Variants in KCNIP4 observed in about 807,000 individuals in gnomAD.
KCNIP4 encodes the protein Kv channel-interacting protein 4.
In KCNIP4, 12 loss-of-function variants were observed where a neutral mutation model predicts 34.0. The observed-to-expected ratio is 0.35, with a 90% CI of 0.23 to 0.57. The LOEUF (loss-of-function observed/expected upper bound fraction) is 0.57. Ranked by LOEUF, KCNIP4 falls within the 20% of genes least tolerant of loss-of-function variation. The pLI, the probability that KCNIP4 is intolerant of heterozygous loss-of-function variation, is 0.83. For synonymous variants in KCNIP4, 124 were observed against 102.2 expected (o/e 1.21, Z -1.29); for missense variants, 238 against 311.7 (o/e 0.76, Z 1.78).
At chr4:21,026,774 A>G (rs2149757329) in intron 1 of KCNIP4, among the ~76,000 whole-genome samples, 1 of 152,350 alleles carries the variant, frequency 6.6e-6, no homozygotes, top group South Asian at 2.1e-4. Context: ...AATGGCTGAG[A>G]GTCAGTTAGG....
chr4:21,745,485 C>A (rs767560981), intron 1 of KCNIP4, among the ~76,000 whole-genome samples: 1 of 152,066 alleles, frequency 6.6e-6, no homozygotes, highest in Non-Finnish European at 1.5e-5. Context: ...TTACATGAGA[C>A]AGTTCAGGGC....
At chr4:21,761,203 G>A (rs1035918014) in intron 1 of KCNIP4, among the ~76,000 whole-genome samples, 1 of 152,044 alleles carries the variant, frequency 6.6e-6, no homozygotes, top group Admixed American at 6.6e-5. Context: ...CTGAGTTCAA[G>A]TGATCCACCT....
intron 3 of KCNIP4, among the ~76,000 whole-genome samples, chr4:20,777,652 A>G (rs1399156818): frequency 6.6e-6 from 1 of 152,186 alleles, no homozygotes; most frequent in African/African-American, 2.4e-5. Context: ...TCTGTTGTCT[A>G]TAAGCCACCC....
chr4:21,817,149 A>G (rs1722036649), intron 1 of KCNIP4, among the ~76,000 whole-genome samples: 1 of 152,128 alleles, frequency 6.6e-6, no homozygotes, highest in Non-Finnish European at 1.5e-5. Context: ...CAAGACCCAG[A>G]ACTGTTGCCA....
At chr4:20,995,802 T>G (rs1023055409) in intron 1 of KCNIP4, among the ~76,000 whole-genome samples, 5 of 152,186 alleles carry the variant, frequency 3.3e-5, no homozygotes, top group African/African-American at 1.2e-4. Flanking sequence ...TTGACACCGG[T>G]TATGTACCAT....
At chr4:20,996,141 T>C (rs116439339) in intron 1 of KCNIP4, among the ~76,000 whole-genome samples, 3,529 of 152,262 alleles carry the variant, frequency 0.023, 57 homozygotes, top group South Asian at 0.05. Flanking sequence ...CAAATCCCAT[T>C]GGTTCCACCT....
In KCNIP4 at chr4:21,153,529, A is replaced by G. The variant is rs1036175161; in HGVS notation, c.62-270820T>C. Among the ~76,000 whole-genome samples, 9 of 147,662 alleles carry G rather than the reference A, an allele frequency of 6.1e-5. No individual in the cohort carries two copies. The South Asian group carries it at 1.9e-3, about 31-fold the overall frequency. The stretch of plus-strand genomic sequence containing the variant: ...TATGTGTGTGTGTATATATATATAT[A>G]TATATATATATATGCTTTACTTGCT... On this transcript the variant is annotated intron_variant, in intron 1 of 8. Coordinates refer to ENST00000382152, the MANE Select transcript of KCNIP4 (RefSeq NM_025221.6).
At chr4:21,942,109 T>G (rs536217677) in intron 1 of KCNIP4, among the ~76,000 whole-genome samples, 66 of 152,286 alleles carry the variant, frequency 4.3e-4, no homozygotes, top group Non-Finnish European at 7.4e-4. Context: ...TACAGCCTGA[T>G]TTTTCACTGT....
intron 1 of KCNIP4, among the ~76,000 whole-genome samples, chr4:21,748,211 T>C (rs1004538809): frequency 1.3e-5 from 2 of 152,156 alleles, no homozygotes; most frequent in African/African-American, 4.8e-5. Flanking sequence ...CCCTTTATAT[T>C]GAGGCAGAAG....
intron 3 of KCNIP4, among the ~76,000 whole-genome samples, chr4:20,782,514 G>A (rs1578607145): frequency 6.6e-6 from 1 of 152,172 alleles, no homozygotes; most frequent in South Asian, 2.1e-4. Context: ...TTCTGTGCAG[G>A]CTCAACACCA....
chr4:21,145,249 G>A (rs1752268571), intron 1 of KCNIP4, among the ~76,000 whole-genome samples: 1 of 152,120 alleles, frequency 6.6e-6, no homozygotes, highest in South Asian at 2.1e-4. Flanking sequence ...GAAACTTAGA[G>A]TCTCTACTAT....
chr4:21,242,052 T>C (rs2109052629), intron 1 of KCNIP4, among the ~76,000 whole-genome samples: 1 of 150,380 alleles, frequency 6.6e-6, no homozygotes, highest in Middle Eastern at 3.5e-3. Context: ...CAGTCCCAGC[T>C]ACTCTGGAGG....
At chr4:20,860,540 A>G (rs908667614) in intron 2 of KCNIP4, among the ~76,000 whole-genome samples, 6 of 152,236 alleles carry the variant, frequency 3.9e-5, no homozygotes, top group African/African-American at 1.4e-4. Context: ...ATTTGAGCTG[A>G]AATTAATTTG....
At chr4:21,591,570 C>A (rs1356875058) in intron 1 of KCNIP4, among the ~76,000 whole-genome samples, 1 of 151,746 alleles carries the variant, frequency 6.6e-6, no homozygotes, top group Admixed American at 6.6e-5. Flanking sequence ...CGTGTAAATT[C>A]TTTTTAGCAT....
At chr4:21,041,189 G>T (rs1479407934) in intron 1 of KCNIP4, among the ~76,000 whole-genome samples, 1 of 151,722 alleles carries the variant, frequency 6.6e-6, no homozygotes, top group Non-Finnish European at 1.5e-5. Flanking sequence ...CATGTGACAT[G>T]TGGTAGAGAT....
At chr4:21,649,113 T>C (rs1334328123) in intron 1 of KCNIP4, among the ~76,000 whole-genome samples, 2 of 152,200 alleles carry the variant, frequency 1.3e-5, no homozygotes, top group African/African-American at 2.4e-5. Flanking sequence ...TGTTTCTAGA[T>C]GACCAGTTAC....
intron 1 of KCNIP4, chr4:21,718,692 G>A (rs979726091): frequency 5.9e-5 from 9 of 152,010 alleles, no homozygotes; most frequent in Non-Finnish European, 1.2e-4. Flanking sequence ...TCCTTCTTGC[G>A]TGGATAGCTT....
intron 1 of KCNIP4, among the ~76,000 whole-genome samples, chr4:20,973,006 T>C (rs1001170519): frequency 9.9e-5 from 15 of 152,208 alleles, no homozygotes; most frequent in Non-Finnish European, 1.9e-4. Flanking sequence ...AATCGAATCC[T>C]GGTGAAGTCT....
intron 1 of KCNIP4, among the ~76,000 whole-genome samples, chr4:21,026,197 T>C (rs1011161307): frequency 6.6e-6 from 1 of 152,144 alleles, no homozygotes; most frequent in South Asian, 2.1e-4. Context: ...GAGACTGAGA[T>C]CTAGATATTG....
Sources: allele counts gnomAD v4.1 joint callset (sites outside exome capture counted in the v4.1 genomes callset), GRCh38; gene constraint gnomAD v4.1.1; transcripts MANE v1.5; gene names NCBI Gene and HGNC (gene_info 2026-07-23, HGNC 2026-07-21).